Variants in NTN1 observed in about 807,000 individuals in gnomAD.
The protein encoded by NTN1 is netrin-1.
NTN1 carries 11 observed loss-of-function variants against 54.2 expected under a neutral mutation model. That is an observed-to-expected ratio of 0.20 (90% confidence interval 0.13 to 0.34). The LOEUF (loss-of-function observed/expected upper bound fraction) is 0.34. NTN1 is among the 10% of genes least tolerant of loss of function. The pLI, the probability that NTN1 is intolerant of heterozygous loss-of-function variation, is 1.00. For synonymous variants in NTN1, 371 were observed against 382.0 expected, an observed-to-expected ratio of 0.97 and a Z score of 0.33; for missense variants, 740 against 893.1, an observed-to-expected ratio of 0.83 and a Z score of 2.18.
At chr17:9,136,484 G>A (rs529139528) in intron 2 of NTN1, among the ~76,000 whole-genome samples, 1 of 152,264 alleles carries the variant, frequency 6.6e-6, no homozygotes, top group East Asian at 1.9e-4. Context: ...GGCTGAGGGA[G>A]GAGAATTGCT....
chr17:9,142,381 C>T (rs1232534720), intron 2 of NTN1, among the ~76,000 whole-genome samples: 1 of 152,046 alleles, frequency 6.6e-6, no homozygotes, highest in Non-Finnish European at 1.5e-5. Context: ...AGATGTACAA[C>T]CTCCTGCACA....
At chr17:9,050,996 C>A (rs1423555360) in intron 2 of NTN1, among the ~76,000 whole-genome samples, 2 of 152,138 alleles carry the variant, frequency 1.3e-5, no homozygotes, top group African/African-American at 4.8e-5. Flanking sequence ...TGGCAAGGAG[C>A]CATCGAAGCC....
intron 2 of NTN1, among the ~76,000 whole-genome samples, chr17:9,041,546 A>T (rs1038153248): frequency 6.6e-6 from 1 of 152,220 alleles, no homozygotes; most frequent in African/African-American, 2.4e-5. Context: ...GAATTCCATT[A>T]TGTAAACATA....
chr17:9,069,623 C>T (rs1217154419), intron 2 of NTN1, among the ~76,000 whole-genome samples: 2 of 152,154 alleles, frequency 1.3e-5, no homozygotes, highest in African/African-American at 4.8e-5. Context: ...TTGGAGGCCT[C>T]GCCCTGCCTG....
chr17:9,205,280 A>G (rs998860437), intron 5 of NTN1, among the ~76,000 whole-genome samples: 1 of 152,192 alleles, frequency 6.6e-6, no homozygotes, highest in African/African-American at 2.4e-5. Flanking sequence ...ATGGGGGTAG[A>G]GGAAGCTACA....
chr17:9,084,113 C>T (rs1372590249), intron 2 of NTN1, among the ~76,000 whole-genome samples: 2 of 152,242 alleles, frequency 1.3e-5, no homozygotes, highest in South Asian at 4.1e-4. Flanking sequence ...TGTAGAAATG[C>T]AGAATTGTTA....
chr17:9,031,685 C>T (rs1411189316), intron 2 of NTN1, among the ~76,000 whole-genome samples: 1 of 152,166 alleles, frequency 6.6e-6, no homozygotes, highest in Non-Finnish European at 1.5e-5. Flanking sequence ...TGGCTCACAC[C>T]TGTAATCCTA....
In NTN1 at chr17:9,100,584, A is replaced by C. The variant is rs2092147265; in HGVS notation, c.1019-62229A>C. Among the ~76,000 whole-genome samples, 4 of 152,300 alleles carry C rather than the reference A, an allele frequency of 2.6e-5. No individual in the cohort carries two copies. The South Asian group carries it at 8.3e-4, about 32-fold the overall frequency. ...CCAAAGTGCTGGGATTCCAGGCATG[A>C]GCCACTGCGCCTGGCCTTATCTGCA... On this transcript the variant is annotated intron_variant, in intron 2 of 6. Transcript: ENST00000173229.
At chr17:9,069,593 A>G (rs2092026349) in intron 2 of NTN1, among the ~76,000 whole-genome samples, 1 of 152,170 alleles carries the variant, frequency 6.6e-6, no homozygotes, top group South Asian at 2.1e-4. Flanking sequence ...TTCTCCCTCA[A>G]ACTTCTCAGA....
chr17:9,114,166 A>AAATATATATATATATAT, intron 2 of NTN1, among the ~76,000 whole-genome samples: 1 of 74,658 alleles, frequency 1.3e-5, no homozygotes, highest in Non-Finnish European at 2.5e-5. Flanking sequence ...AAAAAAAAAA[A>AAATATATATATATATAT]ATATATATAT....
intron 2 of NTN1, among the ~76,000 whole-genome samples, chr17:9,042,601 A>G (rs2091926324): frequency 6.6e-6 from 1 of 152,096 alleles, no homozygotes. Flanking sequence ...AGCCTGACCA[A>G]CATGGTGAAA....
intron 2 of NTN1, among the ~76,000 whole-genome samples, chr17:9,114,666 A>ATCGCTTT (rs1398386046): frequency 1.3e-5 from 2 of 152,196 alleles, no homozygotes; most frequent in Non-Finnish European, 2.9e-5. Context: ...GGCACGGAGA[A>ATCGCTTT]TCGCTTGAAC....
intron 2 of NTN1, among the ~76,000 whole-genome samples, chr17:9,116,763 A>G (rs2092214145): frequency 6.6e-6 from 1 of 152,176 alleles, no homozygotes; most frequent in South Asian, 2.1e-4. Context: ...CTTGTGGGAA[A>G]ATACCTCTTC....
chr17:9,111,625 A>G (rs2092191228), intron 2 of NTN1, among the ~76,000 whole-genome samples: 1 of 152,218 alleles, frequency 6.6e-6, no homozygotes, highest in African/African-American at 2.4e-5. Context: ...CCAAAACGTA[A>G]CTACTAATAG....
the NTN1 span, among the ~76,000 whole-genome samples, chr17:9,016,491 C>T: frequency 1.3e-5 from 2 of 152,196 alleles, no homozygotes; most frequent in Non-Finnish European, 2.9e-5. Context: ...AGCTATCCAA[C>T]AGAATTTCCT....
intron 5 of NTN1, among the ~76,000 whole-genome samples, chr17:9,205,654 T>C (rs1597537521): frequency 6.6e-6 from 1 of 152,012 alleles, no homozygotes; most frequent in Non-Finnish European, 1.5e-5. Flanking sequence ...AGCTCCTGCA[T>C]TGCGATGGGG....
Position 9,240,243 on chromosome 17 carries a change from G to C in NTN1, c.*275G>C, listed in dbSNP as rs1384565213. 1 of 153,984 alleles carries C rather than the reference G, an allele frequency of 6.5e-6. No homozygotes were observed. Among genetic ancestry groups the C allele is most frequent in the Non-Finnish European group, 1.4e-5 (1 of 69,590 alleles). The allele number at this position is 153,984 out of a possible 1,614,324, so 9.5% of individuals were successfully genotyped here. On this transcript the variant is annotated 3_prime_UTR_variant, in exon 7 of 7. Transcript: ENST00000173229. ...TGACGAGACGTAGCTACCTCACGGG[G>C]CTCCTTCCAGAGCAGAGACGCGCTT...
chr17:9,019,132 A>C (rs989645735), upstream of NTN1, among the ~76,000 whole-genome samples: 1 of 152,214 alleles, frequency 6.6e-6, no homozygotes, highest in Non-Finnish European at 1.5e-5. Flanking sequence ...TCCAGGGTGC[A>C]TTGGACCTGT....
intron 2 of NTN1, among the ~76,000 whole-genome samples, chr17:9,071,869 T>C (rs1362301532): frequency 2.6e-5 from 4 of 152,236 alleles, no homozygotes; most frequent in African/African-American, 9.6e-5. Flanking sequence ...GCTTGCAGTA[T>C]GAATGGAGGC....
Sources: allele counts gnomAD v4.1 joint callset (sites outside exome capture counted in the v4.1 genomes callset), GRCh38; gene constraint gnomAD v4.1.1; transcripts MANE v1.5; gene names NCBI Gene and HGNC (gene_info 2026-07-23, HGNC 2026-07-21).